The following TDRD9 variants were observed in gnomAD, a reference collection of about 807,000 sequenced individuals.
The protein encoded by TDRD9 is tudor domain containing 9.
In TDRD9, 124 loss-of-function variants were observed where a neutral mutation model predicts 172.6. The observed-to-expected ratio is 0.72, with a 90% CI of 0.62 to 0.83. The LOEUF is 0.83. Among genes scored for constraint, TDRD9 ranks in the 40% least tolerant of loss-of-function variants. The pLI is 0.00. For synonymous variants in TDRD9, 619 were observed against 617.1 expected, an observed-to-expected ratio of 1.00 and a Z score of -0.05; for missense variants, 1,479 against 1,714.1, an observed-to-expected ratio of 0.86 and a Z score of 2.42.
chr14:103,932,990 C>A (rs2030502912), intron 1 of TDRD9, among the ~76,000 whole-genome samples: 1 of 152,104 alleles, frequency 6.6e-6, no homozygotes, highest in East Asian at 1.9e-4. Flanking sequence ...TGGGTCCCAG[C>A]ATGAATCTTG....
chr14:103,959,528 GTCTATT>G (rs2032409000), intron 2 of TDRD9, among the ~76,000 whole-genome samples: 1 of 148,932 alleles, frequency 6.7e-6, no homozygotes, highest in African/African-American at 2.5e-5. Flanking sequence ...CTATTTCTAT[GTCTATT>G]TCTATTAAAA....
intron 15 of TDRD9, among the ~76,000 whole-genome samples, 178 bp downstream of exon 15, chr14:104,005,583 GCTAA>G (rs1483075029): frequency 1.3e-5 from 2 of 151,126 alleles, no homozygotes; most frequent in African/African-American, 4.9e-5. Flanking sequence ...TCACTTTCCC[GCTAA>G]CTCTGTTCCT....
chr14:103,974,044 T>G (rs1394114705), intron 6 of TDRD9, among the ~76,000 whole-genome samples: 1 of 151,826 alleles, frequency 6.6e-6, no homozygotes, highest in Non-Finnish European at 1.5e-5. Context: ...CAAAAAACAG[T>G]CACAAAAATT....
At chr14:104,042,496 T>G (rs2035639114) in intron 34 of TDRD9, among the ~76,000 whole-genome samples, 1 of 152,098 alleles carries the variant, frequency 6.6e-6, no homozygotes, top group Non-Finnish European at 1.5e-5. Flanking sequence ...GAGTCCGGCT[T>G]GTAGGATTGG....
In TDRD9 at chr14:104,014,816, T is replaced by C. The variant is rs148349259; in HGVS notation, c.2198T>C (p.Ile733Thr). Residue 733 changes from isoleucine to threonine, a missense_variant, in exon 21 of 36, where the codon ATA becomes ACA. Physicochemically the swap from Ile to Thr is moderately conservative, Grantham distance 89. Coordinates refer to ENST00000409874, the MANE Select transcript of TDRD9 (RefSeq NM_153046.3). ...CGACCTGTCATGGACCAAGAGTATA[T>C]ATATAAGCAGCGATTCATCCTACAG... ...SRRPVMDQEY[I>T]YKQRFILQVV... The C allele has an allele frequency of 4.9e-4, 791 of 1,608,626 alleles. 4 individuals carry two copies. Among genetic ancestry groups the C allele is most frequent in the Middle Eastern group, 4.3e-3 (26 of 6,048 alleles).
chr14:104,026,663 C>G lies in TDRD9; in HGVS notation c.3022-16C>G, dbSNP rs2035128231. On this transcript the variant is annotated splice_polypyrimidine_tract_variant and intron_variant, in intron 27 of 35. Coordinates refer to ENST00000409874, the MANE Select transcript of TDRD9 (RefSeq NM_153046.3). ...ATTTATAAAGCTGTTTGAGCTGTGC[C>G]CTTCTGTCCTTGTAGGCTTTGGAAT... is the stretch of plus-strand genomic sequence containing the variant. 1.2e-6 allele frequency: 2 copies of G among 1,612,214 alleles called. No homozygotes were observed. Among genetic ancestry groups the G allele is most frequent in the Non-Finnish European group, 1.7e-6 (2 of 1,178,524 alleles).
chr14:103,938,825 A>T (rs1013298877), intron 1 of TDRD9, among the ~76,000 whole-genome samples: 1 of 152,146 alleles, frequency 6.6e-6, no homozygotes, highest in Non-Finnish European at 1.5e-5. Flanking sequence ...GTCACTATTC[A>T]GGAAGTTATT....
chr14:103,975,564 A>G lies in TDRD9; in HGVS notation c.1011+11A>G, dbSNP rs760723815. 10 of 1,587,340 alleles carry G rather than the reference A, an allele frequency of 6.3e-6. No individual in the cohort carries two copies. In the Admixed American group the frequency reaches 1.6e-4, roughly 26 times the overall value. On this transcript the variant is annotated intron_variant, in intron 7 of 35. Coordinates refer to ENST00000409874, the MANE Select transcript of TDRD9 (RefSeq NM_153046.3). ...ATTCATCATAGCAAGGTATGTTAGA[A>G]TGTGCTGTTTCTTTTATAGTGAGCG...
intron 24 of TDRD9, among the ~76,000 whole-genome samples, chr14:104,023,470 G>A (rs1399863312): frequency 6.6e-6 from 1 of 152,188 alleles, no homozygotes. Flanking sequence ...CTTGCCAAAT[G>A]GCATCTTTCC....
intron 7 of TDRD9, among the ~76,000 whole-genome samples, chr14:103,976,292 G>C (rs2033239648): frequency 7.2e-6 from 1 of 138,180 alleles, no homozygotes; most frequent in Admixed American, 7.4e-5. Flanking sequence ...TTTTTTTTTC[G>C]AGACAGAGTC....
chr14:104,004,054 A>T (rs929925237), intron 13 of TDRD9, among the ~76,000 whole-genome samples, 184 bp from the exon 14 acceptor site: 22 of 152,244 alleles, frequency 1.4e-4, no homozygotes, highest in African/African-American at 4.6e-4. Context: ...TATTTAGAAT[A>T]ATGTTTAAAA....
rs2035884520 is a variant in TDRD9, at chr14:104,049,610, T to C, written c.3977T>C (p.Leu1326Ser). ...AATTTCTTTTTTTTTTAAATTAGTT[T>C]GTTCTGTCAGTCAAAACCAAGGGAG... ...QDIARQKLLGLFCQSKPREKI... is the reference protein window; with the variant it reads ...QDIARQKLLGSFCQSKPREKI... The change falls in exon 35 of 36, where the codon TTG (leucine) becomes TCG (serine). Residue 1326 changes from leucine (L) to serine (S), a missense_variant and splice_region_variant. Leu to Ser is a moderately radical substitution (Grantham distance 145, BLOSUM62 -2). Around this residue, in one of 3 missense-constraint regions of TDRD9, gnomAD observed 1,413 missense variants for 1,649.1 expected, o/e 0.86. Transcript: ENST00000409874. 3.2e-6 allele frequency: 5 copies of C among 1,563,454 alleles called. No individual in the cohort carries two copies. The highest frequency in any genetic ancestry group is 3.5e-6 in the Non-Finnish European group (4 of 1,154,606).
At chr14:103,963,631 A>G (rs1393180581) in intron 3 of TDRD9, among the ~76,000 whole-genome samples, 3 of 152,198 alleles carry the variant, frequency 2.0e-5, no homozygotes, top group African/African-American at 4.8e-5. Flanking sequence ...TTGACATACC[A>G]TTGTATTAAC....
chr14:103,964,210 TC>T (rs1291590416), intron 3 of TDRD9, among the ~76,000 whole-genome samples: 1 of 151,890 alleles, frequency 6.6e-6, no homozygotes, highest in Non-Finnish European at 1.5e-5. Context: ...GCCACTGCAC[TC>T]CAGCCTGGGT....
intron 1 of TDRD9, among the ~76,000 whole-genome samples, chr14:103,940,113 G>T (rs2031127920): frequency 1.3e-5 from 2 of 151,946 alleles, no homozygotes; most frequent in African/African-American, 4.8e-5. Flanking sequence ...TAAATATTTT[G>T]CTATTTCACC....
intron 1 of TDRD9, among the ~76,000 whole-genome samples, chr14:103,951,738 A>G (rs1471119130): frequency 6.6e-6 from 1 of 152,152 alleles, no homozygotes; most frequent in East Asian, 1.9e-4. Context: ...CACAATTTAA[A>G]TAAACTGAAA....
rs1332636878 is a variant in TDRD9, at chr14:104,000,073, A to G, written c.1483+1345A>G. The stretch of plus-strand genomic sequence containing the variant: ...CCAGGTGCGGTGACTTACACCTGTA[A>G]TCCCAGCACTTTGGGAGACTGAGGC... On this transcript the variant is annotated intron_variant, in intron 13 of 35. Transcript: ENST00000409874. 1.3e-5 allele frequency among the ~76,000 whole-genome samples: 2 copies of G among 152,142 alleles called. 1 individual carries two copies. The highest frequency in any genetic ancestry group is 3.9e-4 in the East Asian group (2 of 5,194).
intron 1 of TDRD9, among the ~76,000 whole-genome samples, chr14:103,943,287 C>G (rs1566727718): frequency 6.6e-6 from 1 of 151,826 alleles, no homozygotes; most frequent in African/African-American, 2.4e-5. Flanking sequence ...CATGCCACCA[C>G]AGGTGCATGC....
rs79744652 is a variant in TDRD9 at position 104,011,357 on chromosome 14, C to T, written c.2106+2891C>T. On this transcript the variant is annotated intron_variant, in intron 20 of 35. Transcript: ENST00000409874. Reference sequence around the variant, plus strand: ...TTACGTGTGTGTGTGTGCATGTGTGCGCACATGCATGCACAATACTATGAG... The same window carrying T: ...TTACGTGTGTGTGTGTGCATGTGTGTGCACATGCATGCACAATACTATGAG... Among the ~76,000 whole-genome samples the T allele has an allele frequency of 8.6e-3, 1,303 of 152,184 alleles. 12 individuals are homozygous for T. Among genetic ancestry groups the T allele is most frequent in the Non-Finnish European group, 0.014 (930 of 68,010 alleles).
Sources: allele counts gnomAD v4.1 joint callset (sites outside exome capture counted in the v4.1 genomes callset), GRCh38; gene constraint gnomAD v4.1.1; regional missense constraint gnomAD v4.1.1; transcripts MANE v1.5; gene names NCBI Gene and HGNC (gene_info 2026-07-23, HGNC 2026-07-21).